SNTG2: variants seen among roughly 807,000 people sequenced by gnomAD.
SNTG2 encodes the protein syntrophin gamma 2, also known as gamma-2-syntrophin.
A neutral mutation model predicts 70.9 loss-of-function variants in SNTG2; 74 were observed. The observed-to-expected ratio is 1.04, with a 90% confidence interval of 0.86 to 1.27. SNTG2 has a LOEUF of 1.27. SNTG2 is among the 50% of genes most tolerant of loss of function. The pLI, the probability that SNTG2 is intolerant of heterozygous loss-of-function variation, is 0.00. For synonymous variants in SNTG2, 278 were observed against 273.8 expected, an observed-to-expected ratio of 1.02 and a Z score of -0.15; for missense variants, 717 against 690.7, an observed-to-expected ratio of 1.04 and a Z score of -0.43.
At chr2:967,577 T>G (rs867986503) in intron 1 of SNTG2, among the ~76,000 whole-genome samples, 1 of 152,218 alleles carries the variant, frequency 6.6e-6, no homozygotes, top group Non-Finnish European at 1.5e-5. Context: ...ATGTATCATC[T>G]TTTTATGTAT....
At chr2:1,228,902 G>A (rs1158366790) in intron 9 of SNTG2, among the ~76,000 whole-genome samples, 1 of 152,074 alleles carries the variant, frequency 6.6e-6, no homozygotes, top group East Asian at 1.9e-4. Flanking sequence ...TCGTGGTCTC[G>A]CTGGCTCAGG....
At position 980,376 on chromosome 2, in the gene SNTG2, C is replaced by T. The variant is rs187570202; in HGVS notation, c.72+29308C>T. ...AGCTGATGATGAATAATTCATACAA[C>T]GATTCTGTTTCCTATGGATCTGTGT... On this transcript the variant is annotated intron_variant, in intron 1 of 16. Coordinates refer to ENST00000308624, the MANE Select transcript of SNTG2 (RefSeq NM_018968.4). Among the ~76,000 whole-genome samples, 161 of 152,254 alleles carry T rather than the reference C, an allele frequency of 1.1e-3. 1 individual carries two copies. The highest frequency in any genetic ancestry group is 3.7e-3 in the African/African-American group (153 of 41,548).
At chr2:1,152,980 T>C (rs939259134) in intron 6 of SNTG2, among the ~76,000 whole-genome samples, 13 of 152,044 alleles carry the variant, frequency 8.6e-5, no homozygotes, top group African/African-American at 2.9e-4. Flanking sequence ...AAAAATTAGC[T>C]GGGTGTGGTG....
intron 11 of SNTG2, among the ~76,000 whole-genome samples, chr2:1,242,943 G>A (rs1272072632): frequency 1.3e-5 from 2 of 152,104 alleles, no homozygotes; most frequent in African/African-American, 4.8e-5. Context: ...CACACTTCTT[G>A]GAATGTGTAA....
At chr2:1,363,944 G>A (rs930075950) in intron 16 of SNTG2, among the ~76,000 whole-genome samples, 4 of 151,658 alleles carry the variant, frequency 2.6e-5, no homozygotes, top group African/African-American at 9.7e-5. Flanking sequence ...TGGTGTGACC[G>A]ATTTCACTGC....
At chr2:1,228,931 C>T (rs1435128597) in intron 9 of SNTG2, among the ~76,000 whole-genome samples, 2 of 151,998 alleles carry the variant, frequency 1.3e-5, no homozygotes, top group East Asian at 1.9e-4. Context: ...TGCAGACCTT[C>T]GCGGTGAGTG....
At chr2:1,117,829 T>G (rs561247970) in intron 4 of SNTG2, among the ~76,000 whole-genome samples, 1 of 152,354 alleles carries the variant, frequency 6.6e-6, no homozygotes, top group African/African-American at 2.4e-5. Flanking sequence ...CCTGGGCCAC[T>G]GCCATGTCCT....
At chr2:1,307,282 C>T (rs1207220714) in intron 14 of SNTG2, among the ~76,000 whole-genome samples, 1 of 135,670 alleles carries the variant, frequency 7.4e-6, no homozygotes, top group Non-Finnish European at 1.6e-5. Context: ...GTATGTGAAC[C>T]GTGCACTGTG....
chr2:1,215,299 TAAG>T (rs918256698), intron 9 of SNTG2, among the ~76,000 whole-genome samples: 12 of 152,220 alleles, frequency 7.9e-5, no homozygotes, highest in Non-Finnish European at 1.0e-4. Flanking sequence ...GTGAAGAATT[TAAG>T]AAGAATTGGT....
chr2:1,321,568 A>G (rs1243274381), intron 16 of SNTG2, among the ~76,000 whole-genome samples: 1 of 152,178 alleles, frequency 6.6e-6, no homozygotes, highest in Non-Finnish European at 1.5e-5. Flanking sequence ...CGATGCCCAC[A>G]GCATTTATCA....
chr2:968,615 G>A (rs1660642605), intron 1 of SNTG2, among the ~76,000 whole-genome samples: 1 of 152,094 alleles, frequency 6.6e-6, no homozygotes, highest in Non-Finnish European at 1.5e-5. Context: ...TTACCACCAT[G>A]TATTACCTAT....
intron 1 of SNTG2, among the ~76,000 whole-genome samples, chr2:986,252 G>A (rs975839448): frequency 4.6e-5 from 7 of 152,172 alleles, no homozygotes; most frequent in African/African-American, 1.7e-4. Flanking sequence ...GAGCAGAGTT[G>A]TGGCCCCTGG....
intron 1 of SNTG2, among the ~76,000 whole-genome samples, chr2:972,384 T>G (rs1481826842): frequency 2.0e-5 from 3 of 152,136 alleles, no homozygotes; most frequent in Non-Finnish European, 4.4e-5. Context: ...TTGTATGAGG[T>G]CCTTCTTTGT....
intron 14 of SNTG2, among the ~76,000 whole-genome samples, chr2:1,299,781 T>C (rs189524266): frequency 6.6e-6 from 1 of 152,180 alleles, no homozygotes; most frequent in African/African-American, 2.4e-5. Flanking sequence ...CTCTGTGCCT[T>C]TGGCAAGCTG....
chr2:1,201,364 G>C (rs1340169016), intron 8 of SNTG2, among the ~76,000 whole-genome samples: 1 of 151,716 alleles, frequency 6.6e-6, no homozygotes. Flanking sequence ...TGAAGTAGAG[G>C]GTAGAAGGAT....
intron 16 of SNTG2, among the ~76,000 whole-genome samples, chr2:1,335,434 G>A (rs776681913): frequency 3.9e-5 from 6 of 152,164 alleles, no homozygotes; most frequent in Non-Finnish European, 7.3e-5. Flanking sequence ...GTGTGAGAAG[G>A]AAGGACTCAT....
chr2:1,053,150 G>A (rs60694756), intron 1 of SNTG2, among the ~76,000 whole-genome samples: 18,165 of 152,122 alleles, frequency 0.12, 1,295 homozygotes, highest in African/African-American at 0.19. Flanking sequence ...CTGTTGCTGA[G>A]CACAGTGTTC....
At chr2:1,190,518 T>TGAC (rs374943385) in intron 8 of SNTG2, among the ~76,000 whole-genome samples, 1 of 79,494 alleles carries the variant, frequency 1.3e-5, no homozygotes, top group Non-Finnish European at 2.7e-5. Context: ...TATATATATA[T>TGAC]ATATATATAT....
chr2:1,211,652 G>A (rs1189934623), intron 9 of SNTG2, among the ~76,000 whole-genome samples: 1 of 152,146 alleles, frequency 6.6e-6, no homozygotes, highest in African/African-American at 2.4e-5. Flanking sequence ...GAGCATGTGT[G>A]CAGGGAAACT....
Sources: allele counts gnomAD v4.1 joint callset (sites outside exome capture counted in the v4.1 genomes callset), GRCh38; gene constraint gnomAD v4.1.1; transcripts MANE v1.5; gene names NCBI Gene and HGNC (gene_info 2026-07-23, HGNC 2026-07-21).